The following FAM228B variants were observed in gnomAD, a reference collection of about 807,000 sequenced individuals.
FAM228B encodes family with sequence similarity 228 member B, also known as protein FAM228B.
In FAM228B, 38 loss-of-function variants were observed where a neutral mutation model predicts 42.6. The ratio of observed to expected loss-of-function variants is 0.89; its 90% CI spans 0.69 to 1.17. The LOEUF is 1.17. FAM228B is among the 50% of genes most tolerant of loss of function. The pLI, the probability that FAM228B is intolerant of heterozygous loss-of-function variation, is 0.00. For missense variants in FAM228B, 344 were observed against 367.3 expected, an observed-to-expected ratio of 0.94 and a Z score of 0.52; for synonymous variants, 109 against 122.3, an observed-to-expected ratio of 0.89 and a Z score of 0.72.
intron 2 of FAM228B, chr2:24,085,555 C>G (rs1245203094): frequency 6.6e-6 from 1 of 152,212 alleles, no homozygotes; most frequent in African/African-American, 2.4e-5. Context: ...ATCTCATCCT[C>G]CACCATCCCC....
intron 3 of FAM228B, among the ~76,000 whole-genome samples, chr2:24,112,818 G>C (rs778218987): frequency 6.6e-6 from 1 of 151,940 alleles, no homozygotes; most frequent in East Asian, 1.9e-4. Flanking sequence ...TGTCTCCCAC[G>C]TACTGCTTTC....
In FAM228B at chr2:24,136,254, T is replaced by A. The variant is rs1395870946; in HGVS notation, c.168+1067T>A. Among the ~76,000 whole-genome samples the A allele has an allele frequency of 2.6e-5, 4 of 151,008 alleles. 1 individual carries two copies. The highest frequency in any genetic ancestry group is 5.9e-5 in the Non-Finnish European group (4 of 67,772). ...GTTTTAATTTTTTTTTGAAACGGAG[T>A]CTTACTTCTTTGCCCAGGCTGGAGT... is the stretch of plus-strand genomic sequence containing the variant. On this transcript the variant is annotated intron_variant, in intron 3 of 10. Transcript: ENST00000615575.
chr2:24,092,549 G>C (rs1665413752), intron 2 of FAM228B, among the ~76,000 whole-genome samples: 1 of 152,142 alleles, frequency 6.6e-6, no homozygotes, highest in Non-Finnish European at 1.5e-5. Context: ...ACTCCAGCCT[G>C]GGTGACAGAG....
intron 3 of FAM228B, among the ~76,000 whole-genome samples, chr2:24,136,307 A>G (rs1666586142): frequency 6.6e-6 from 1 of 151,818 alleles, no homozygotes; most frequent in Admixed American, 6.6e-5. Context: ...GCTCACTGCA[A>G]CTTCCACCTC....
intron 7 of FAM228B, among the ~76,000 whole-genome samples, chr2:24,156,149 A>G (rs1318474561): frequency 1.2e-4 from 18 of 152,118 alleles, no homozygotes; most frequent in African/African-American, 2.9e-4. Flanking sequence ...TCAATTGTCT[A>G]TTTTCCACAC....
At chr2:24,078,327 G>C (rs529100397) in intron 1 of FAM228B, among the ~76,000 whole-genome samples, 2 of 152,094 alleles carry the variant, frequency 1.3e-5, no homozygotes, top group East Asian at 3.9e-4. Context: ...CTTGAGCCTG[G>C]GAGTTTGAGA....
At chr2:24,145,039 A>C (rs1053954273) in intron 5 of FAM228B, among the ~76,000 whole-genome samples, 1 of 152,146 alleles carries the variant, frequency 6.6e-6, no homozygotes, top group African/African-American at 2.4e-5. Context: ...CTCTGGAGAC[A>C]AAGGGTTGTC....
At position 24,161,553 on chromosome 2, in the gene FAM228B, C is replaced by T. The variant is rs1667286135; in HGVS notation, c.734C>T (p.Pro245Leu). The T allele has an allele frequency of 1.3e-6, 2 of 1,548,482 alleles. No individual in the cohort carries two copies. The highest frequency in any genetic ancestry group is 1.4e-5 in the African/African-American group (1 of 72,996). The change falls in exon 8 of 11, where the codon CCT (proline) becomes CTT (leucine). Residue 245 changes from proline to leucine, a missense_variant. Pro to Leu is a moderately conservative substitution (Grantham distance 98). Transcript: ENST00000615575. ...NFNDCSFDLK[P>L]LARAPYLLES... The stretch of plus-strand genomic sequence containing the variant: ...AATGACTGTAGTTTTGATTTGAAAC[C>T]TTTGGCAAGAGCTCCTTATCTTTTG...
chr2:24,107,676 CTT>C (rs1214877120), intron 3 of FAM228B, among the ~76,000 whole-genome samples: 2 of 152,126 alleles, frequency 1.3e-5, no homozygotes, highest in Admixed American at 1.3e-4. Flanking sequence ...TCCAAAATGA[CTT>C]TTGGGTAAAT....
chr2:24,163,123 T>A (rs1436775449), intron 8 of FAM228B, among the ~76,000 whole-genome samples: 3 of 152,206 alleles, frequency 2.0e-5, no homozygotes, highest in Non-Finnish European at 2.9e-5. Context: ...CCTAGCAAGG[T>A]GCAAGAAAAG....
chr2:24,147,149 A>T (rs1404689891), intron 7 of FAM228B, 63 bp downstream of exon 7: 1 of 1,132,548 alleles, frequency 8.8e-7, no homozygotes, highest in African/African-American at 1.6e-5. Context: ...TCAGACTGAT[A>T]TAACATTTTT....
At position 24,146,778 on chromosome 2, in the gene FAM228B, A is replaced by G. The variant is rs1027767842; in HGVS notation, c.472A>G (p.Lys158Glu). The G allele has an allele frequency of 8.4e-6, 13 of 1,550,034 alleles. No homozygotes were observed. The Admixed American group carries it at 2.2e-4, about 26-fold the overall frequency. The change falls in exon 6 of 11, where the codon AAA becomes GAA. Residue 158 changes from lysine (K) to glutamate (E), a missense_variant. By Grantham distance (56) the Lys-to-Glu change is moderately conservative (BLOSUM62 1). Coordinates refer to ENST00000615575, the MANE Select transcript of FAM228B (RefSeq NM_001145710.2). The stretch of plus-strand genomic sequence containing the variant: ...CATCCCACCATTTCATGACCCTTTG[A>G]AAAAAGCACAATATGACAAGGATAA... ...VTIPPFHDPL[K>E]KAQYDKDNEK...
chr2:24,153,484 C>G lies in FAM228B; in HGVS notation c.686+6398C>G, dbSNP rs909654024. Among the ~76,000 whole-genome samples, 3 of 152,186 alleles carry G rather than the reference C, an allele frequency of 2.0e-5. No individual in the cohort carries two copies. The South Asian group carries it at 6.2e-4, about 32-fold the overall frequency. On this transcript the variant is annotated intron_variant, in intron 7 of 10. Coordinates refer to ENST00000615575, the MANE Select transcript of FAM228B (RefSeq NM_001145710.2). ...TGGCCCAGAATGTGTCTAGAAATGT[C>G]GTCCCAAAGCTAGGGCCTGGAATGG...
intron 3 of FAM228B, among the ~76,000 whole-genome samples, chr2:24,116,019 T>C (rs558710067): frequency 2.6e-5 from 4 of 152,114 alleles, no homozygotes; most frequent in African/African-American, 9.6e-5. Flanking sequence ...CTATATGTAT[T>C]CTATGACCTA....
chr2:24,152,323 G>T (rs1346813926), intron 7 of FAM228B, among the ~76,000 whole-genome samples: 1 of 152,142 alleles, frequency 6.6e-6, no homozygotes, highest in Non-Finnish European at 1.5e-5. Context: ...CTCCAGGATT[G>T]GTCCCTAGTG....
upstream of FAM228B, among the ~76,000 whole-genome samples, chr2:24,119,344 C>A (rs1666024529): frequency 6.6e-6 from 1 of 152,224 alleles, no homozygotes; most frequent in African/African-American, 2.4e-5. Flanking sequence ...CAGAACAAAG[C>A]TGACTCATTT....
chr2:24,079,297 G>T, intron 1 of FAM228B: 3 of 755,020 alleles, frequency 4.0e-6, no homozygotes, highest in South Asian at 2.0e-5. Flanking sequence ...CTCTGAAATC[G>T]GGTTCCCTCT....
chr2:24,077,624 C>T lies in FAM228B; in HGVS notation c.-290+655C>T. 6.2e-7 allele frequency: 1 copy of T among 1,614,024 alleles called. No homozygotes were observed. The highest frequency in any genetic ancestry group is 8.5e-7 in the Non-Finnish European group (1 of 1,179,950). On this transcript the variant is annotated intron_variant, in intron 1 of 10. Transcript: ENST00000613899. This position sits in a 1 kb window ranked among gnomAD's most constrained non-coding sequence, Gnocchi z 5.5. ...CGATCTTGCCTATGTTCTTGTTGGC[C>T]TCCATGTACTTATGGGCCTCCTGGA...
chr2:24,146,166 C>T (rs1372362492), intron 5 of FAM228B, among the ~76,000 whole-genome samples: 1 of 152,170 alleles, frequency 6.6e-6, no homozygotes, highest in Non-Finnish European at 1.5e-5. Flanking sequence ...GAGAAAGATA[C>T]ATGAGTGACC....
Sources: allele counts gnomAD v4.1 joint callset (sites outside exome capture counted in the v4.1 genomes callset), GRCh38; gene constraint gnomAD v4.1.1; non-coding constraint Gnocchi (gnomAD v3.1); transcripts MANE v1.5; gene names NCBI Gene and HGNC (gene_info 2026-07-23, HGNC 2026-07-21).